CRACDL: variants seen among roughly 807,000 people sequenced by gnomAD.
CRACDL encodes CRACD-like protein.
Under a neutral mutation model 70.6 loss-of-function variants are expected in CRACDL, and 26 were observed. The observed-to-expected ratio is 0.37, with a 90% confidence interval of 0.27 to 0.51. The LOEUF is 0.51. CRACDL is among the 20% of genes least tolerant of loss of function. CRACDL has a pLI of 0.94. For missense variants in CRACDL, 1,283 were observed against 1,376.9 expected, an observed-to-expected ratio of 0.93 and a Z score of 1.08; for synonymous variants, 618 against 615.2, an observed-to-expected ratio of 1.00 and a Z score of -0.07.
At chr2:98,902,053 A>G (rs1708295772) in intron 1 of CRACDL, among the ~76,000 whole-genome samples, 1 of 152,108 alleles carries the variant, frequency 6.6e-6, no homozygotes, top group Non-Finnish European at 1.5e-5. Context: ...GCCATTCTCC[A>G]CTGTAAAAAG....
intron 7 of CRACDL, among the ~76,000 whole-genome samples, chr2:98,821,589 C>A (rs1344770858): frequency 2.0e-5 from 3 of 152,092 alleles, no homozygotes; most frequent in African/African-American, 7.2e-5. Flanking sequence ...AGCTGATGAG[C>A]TTAAAAAAAA....
chr2:98,888,684 A>G (rs1707860231), intron 1 of CRACDL, among the ~76,000 whole-genome samples: 1 of 152,222 alleles, frequency 6.6e-6, no homozygotes, highest in South Asian at 2.1e-4. Context: ...TATGTTAAGT[A>G]AAAATCACTC....
intron 7 of CRACDL, among the ~76,000 whole-genome samples, chr2:98,801,696 A>T (rs1704083165): frequency 6.6e-6 from 1 of 152,132 alleles, no homozygotes; most frequent in African/African-American, 2.4e-5. Flanking sequence ...GATTGTGAAG[A>T]TTGGGTGAAA....
chr2:98,907,451 T>C (rs1174986768), intron 1 of CRACDL, among the ~76,000 whole-genome samples: 1 of 152,210 alleles, frequency 6.6e-6, no homozygotes, highest in Non-Finnish European at 1.5e-5. Flanking sequence ...CCTGTGCAAA[T>C]GCAGCTTAGC....
chr2:98,868,800 C>T (rs982491051), intron 1 of CRACDL, among the ~76,000 whole-genome samples: 4 of 152,236 alleles, frequency 2.6e-5, no homozygotes, highest in African/African-American at 9.6e-5. Context: ...CCCAGCCCTC[C>T]TCCCCTTTCC....
intron 7 of CRACDL, among the ~76,000 whole-genome samples, chr2:98,806,070 A>C (rs1704278130): frequency 6.6e-6 from 1 of 152,096 alleles, no homozygotes; most frequent in African/African-American, 2.4e-5. Context: ...GCATTTATTT[A>C]CGAGGGCCTC....
In CRACDL at chr2:98,794,322, G is replaced by T; in HGVS notation, c.*210C>A. On this transcript the variant is annotated 3_prime_UTR_variant, in exon 10 of 10. Coordinates refer to ENST00000397899, the MANE Select transcript of CRACDL (RefSeq NM_207362.3). The stretch of plus-strand genomic sequence containing the variant: ...CTGGTTCCTGGACTTTTTCAATGTT[G>T]TTCTTGTTTCTGGGCCCTCTGGCCC... 2.2e-6 allele frequency: 1 copy of T among 451,916 alleles called. No individual in the cohort carries two copies. The highest frequency in any genetic ancestry group is 3.9e-6 in the Non-Finnish European group (1 of 256,060). 28.0% of individuals were successfully genotyped at this position (451,916 alleles called of 1,614,324 possible).
intron 1 of CRACDL, among the ~76,000 whole-genome samples, chr2:98,902,179 G>A (rs949369879): frequency 4.6e-5 from 7 of 152,286 alleles, no homozygotes; most frequent in East Asian, 1.9e-4. Context: ...CAGCCCATAC[G>A]GCACAAGGGA....
chr2:98,813,664 A>T (rs1396382486), intron 7 of CRACDL, among the ~76,000 whole-genome samples: 1 of 152,232 alleles, frequency 6.6e-6, no homozygotes, highest in East Asian at 1.9e-4. Flanking sequence ...TGAATTTAGT[A>T]TAGTATACAG....
intron 1 of CRACDL, among the ~76,000 whole-genome samples, chr2:98,882,483 G>T (rs1178357977): frequency 6.6e-6 from 1 of 152,174 alleles, no homozygotes; most frequent in African/African-American, 2.4e-5. Flanking sequence ...TTTCTTTTCT[G>T]CTGGGCCTGG....
At chr2:98,901,021 G>A (rs769676632) in intron 1 of CRACDL, among the ~76,000 whole-genome samples, 3 of 152,174 alleles carry the variant, frequency 2.0e-5, no homozygotes, top group Non-Finnish European at 2.9e-5. Flanking sequence ...GACAGAAAGC[G>A]ATTCTGCAAG....
intron 1 of CRACDL, among the ~76,000 whole-genome samples, chr2:98,904,345 A>G (rs112892633): frequency 0.014 from 2,201 of 152,212 alleles, 54 homozygotes; most frequent in Non-Finnish European, 0.018. Flanking sequence ...CACACACCCC[A>G]TCATTCATTC....
At chr2:98,797,005 A>C (rs934700395) in intron 8 of CRACDL, among the ~76,000 whole-genome samples, 3 of 152,138 alleles carry the variant, frequency 2.0e-5, no homozygotes, top group Non-Finnish European at 2.9e-5. Flanking sequence ...GTCTAACTCG[A>C]AGTTATTTTA....
rs1273732768 is a variant in CRACDL at position 98,821,922 on chromosome 2, G to T, written c.2351C>A (p.Pro784Gln). The change falls in exon 7 of 10, where the codon CCG becomes CAG. Residue 784 changes from proline (P) to glutamine (Q), a missense_variant. This residue lies in a region of CRACDL where 921 missense variants were observed against 881.9 expected (regional missense o/e 1.04). Coordinates refer to ENST00000397899, the MANE Select transcript of CRACDL (RefSeq NM_207362.3). ...PHQPAPPDAG[P>Q]GEREPRKEPR... ...CTCCTTCCTGGGTTCCCGCTCTCCC[G>T]GGCCGGCGTCGGGGGGCGCGGGCTG... 8.2e-6 allele frequency: 13 copies of T among 1,589,000 alleles called. No homozygotes were observed. The highest frequency in any genetic ancestry group is 2.3e-5 in the East Asian group (1 of 43,840).
intron 1 of CRACDL, among the ~76,000 whole-genome samples, chr2:98,902,122 A>T (rs528436020): frequency 2.0e-5 from 3 of 152,340 alleles, no homozygotes; most frequent in Admixed American, 2.0e-4. Context: ...GACCGATCCT[A>T]AACTGTGACT....
At chr2:98,897,115 T>G (rs1487705612) in intron 1 of CRACDL, among the ~76,000 whole-genome samples, 1 of 152,034 alleles carries the variant, frequency 6.6e-6, no homozygotes, top group Non-Finnish European at 1.5e-5. Context: ...TGCTCCTTTA[T>G]AGCCACACAC....
intron 5 of CRACDL, among the ~76,000 whole-genome samples, chr2:98,828,273 A>G (rs1015486020): frequency 2.6e-5 from 4 of 152,122 alleles, no homozygotes; most frequent in Non-Finnish European, 4.4e-5. Context: ...GCACAGGGAG[A>G]CTCTAGGAGG....
chr2:98,845,099 G>A (rs1336919190), intron 2 of CRACDL, among the ~76,000 whole-genome samples: 3 of 152,026 alleles, frequency 2.0e-5, no homozygotes, highest in African/African-American at 7.2e-5. Flanking sequence ...ATGAAGACAT[G>A]AAAATTTCCA....
intron 1 of CRACDL, among the ~76,000 whole-genome samples, chr2:98,903,667 T>C (rs1172530114): frequency 6.6e-6 from 1 of 152,214 alleles, no homozygotes; most frequent in Non-Finnish European, 1.5e-5. Flanking sequence ...ATACCAATGA[T>C]GAAACCATTT....
Sources: allele counts gnomAD v4.1 joint callset (sites outside exome capture counted in the v4.1 genomes callset), GRCh38; gene constraint gnomAD v4.1.1; regional missense constraint gnomAD v4.1.1; transcripts MANE v1.5; gene names NCBI Gene and HGNC (gene_info 2026-07-23, HGNC 2026-07-21).